The following GHR variants were observed in gnomAD, a reference collection of about 807,000 sequenced individuals.
GHR encodes growth hormone receptor.
In GHR, 35 loss-of-function variants were observed where a neutral mutation model predicts 67.1. That is an observed-to-expected ratio of 0.52 (90% CI 0.40 to 0.69). GHR has a LOEUF of 0.69. Ranked by LOEUF, GHR falls within the 30% of genes least tolerant of loss-of-function variation. The probability of loss-of-function intolerance (pLI) is 0.00; values close to 1 mark genes in which losing one functional copy is unlikely to be tolerated. For synonymous variants in GHR, 272 were observed against 269.1 expected, an observed-to-expected ratio of 1.01 and a Z score of -0.10; for missense variants, 792 against 764.6, an observed-to-expected ratio of 1.04 and a Z score of -0.42.
chr5:42,532,353 G>GATAGATAT (rs1481338142), intron 1 of GHR, among the ~76,000 whole-genome samples: 3 of 99,424 alleles, frequency 3.0e-5, no homozygotes, highest in African/African-American at 1.1e-4. Flanking sequence ...ATAGATGATA[G>GATAGATAT]ATAGATAGAT....
chr5:42,476,389 T>G (rs1257825869), intron 1 of GHR, among the ~76,000 whole-genome samples: 6 of 151,720 alleles, frequency 4.0e-5, no homozygotes, highest in Non-Finnish European at 8.8e-5. Context: ...CCGGCTAAAT[T>G]TTTTGTTTTT....
intron 2 of GHR, among the ~76,000 whole-genome samples, chr5:42,583,931 G>C (rs1751336645): frequency 6.7e-6 from 1 of 149,972 alleles, no homozygotes; most frequent in Non-Finnish European, 1.5e-5. Context: ...CAGTCACCAG[G>C]TGAAAGGAAT....
intron 1 of GHR, among the ~76,000 whole-genome samples, chr5:42,511,076 T>A (rs1746995174): frequency 6.6e-6 from 1 of 152,204 alleles, no homozygotes. Flanking sequence ...CAGAAACACA[T>A]GCTGTAATAG....
chr5:42,615,741 C>CA lies in GHR; in HGVS notation c.71-13284dup, dbSNP rs57137627. Among the ~76,000 whole-genome samples the CA allele has an allele frequency of 4.6e-3, 607 of 130,796 alleles. 3 individuals are homozygous for CA. The highest frequency in any genetic ancestry group is 0.011 in the South Asian group (42 of 3,902). 85.8% of individuals were successfully genotyped at this position (130,796 alleles called of 152,430 possible). A position where few individuals can be genotyped will look rare whatever the true frequency, so the allele number is the denominator to read the frequency against. On this transcript the variant is annotated intron_variant, in intron 2 of 9. Transcript: ENST00000230882. The stretch of plus-strand genomic sequence containing the variant: ...TAGAAATTTGGAAAAAAACAAAAAA[C>CA]AAAAAAAAAAAAACATAGAATTAAT...
intron 1 of GHR, among the ~76,000 whole-genome samples, chr5:42,460,734 G>A (rs1024502308): frequency 6.6e-6 from 1 of 152,126 alleles, no homozygotes; most frequent in Non-Finnish European, 1.5e-5. Context: ...TTAATAGTTG[G>A]TAGCTTAATA....
chr5:42,472,025 T>G (rs2112103789), intron 1 of GHR, among the ~76,000 whole-genome samples: 1 of 152,312 alleles, frequency 6.6e-6, no homozygotes. Flanking sequence ...TATACCAACA[T>G]TGTGCAGAAA....
intron 1 of GHR, among the ~76,000 whole-genome samples, chr5:42,492,269 G>GA (rs1746146667): frequency 6.6e-6 from 1 of 152,138 alleles, no homozygotes; most frequent in Non-Finnish European, 1.5e-5. Flanking sequence ...ATAATATTGG[G>GA]AAAAAATTAG....
intron 3 of GHR, among the ~76,000 whole-genome samples, chr5:42,641,780 A>C (rs1232840530): frequency 6.6e-6 from 1 of 152,186 alleles, no homozygotes; most frequent in Non-Finnish European, 1.5e-5. Context: ...TGAGTAAATA[A>C]GCTTGTAGAG....
intron 2 of GHR, among the ~76,000 whole-genome samples, chr5:42,606,548 C>T (rs1456946027): frequency 4.6e-5 from 7 of 152,094 alleles, no homozygotes; most frequent in African/African-American, 1.7e-4. Context: ...AATCGGTTCT[C>T]TCGTAGAAAC....
chr5:42,694,748 T>C (rs922836844), intron 4 of GHR, among the ~76,000 whole-genome samples, 169 bp from the exon 5 acceptor site: 2 of 152,228 alleles, frequency 1.3e-5, no homozygotes, highest in Non-Finnish European at 2.9e-5. Context: ...CAGACACTGA[T>C]GATACTGTCC....
intron 3 of GHR, among the ~76,000 whole-genome samples, chr5:42,685,417 T>C (rs1757090029): frequency 6.6e-6 from 1 of 152,190 alleles, no homozygotes; most frequent in Non-Finnish European, 1.5e-5. Flanking sequence ...TGTGCAAGTG[T>C]CTTTATAGTA....
chr5:42,512,609 C>T (rs1159693123), intron 1 of GHR, among the ~76,000 whole-genome samples: 2 of 152,062 alleles, frequency 1.3e-5, no homozygotes, highest in Admixed American at 1.3e-4. Context: ...TATATATATA[C>T]ATAGACAACC....
chr5:42,590,762 C>G (rs1357703788), intron 2 of GHR, among the ~76,000 whole-genome samples: 1 of 152,214 alleles, frequency 6.6e-6, no homozygotes, highest in African/African-American at 2.4e-5. Flanking sequence ...TAACAGGTGA[C>G]TTTGAATGGA....
intron 2 of GHR, among the ~76,000 whole-genome samples, chr5:42,583,256 A>G (rs1231135545): frequency 1.3e-5 from 2 of 152,154 alleles, no homozygotes; most frequent in African/African-American, 2.4e-5. Context: ...TCAGCTTTCT[A>G]CTGACATTAA....
chr5:42,541,234 C>T (rs1310446997), intron 1 of GHR, among the ~76,000 whole-genome samples: 4 of 152,014 alleles, frequency 2.6e-5, no homozygotes, highest in African/African-American at 7.2e-5. Context: ...AAATAATTGC[C>T]ATGGAGAAAA....
At chr5:42,686,958 C>T (rs1014193174) in intron 3 of GHR, among the ~76,000 whole-genome samples, 6 of 152,168 alleles carry the variant, frequency 3.9e-5, no homozygotes, top group Non-Finnish European at 7.4e-5. Context: ...TCTCCTTAAG[C>T]TGATAAGCAA....
At chr5:42,486,518 G>A (rs1461747016) in intron 1 of GHR, among the ~76,000 whole-genome samples, 1 of 152,224 alleles carries the variant, frequency 6.6e-6, no homozygotes, top group Non-Finnish European at 1.5e-5. Context: ...CTAAGTTTCT[G>A]TAATTTGGGA....
At chr5:42,486,779 G>A (rs1394274441) in intron 1 of GHR, among the ~76,000 whole-genome samples, 1 of 151,706 alleles carries the variant, frequency 6.6e-6, no homozygotes, top group Non-Finnish European at 1.5e-5. Context: ...CCCAGGAGGC[G>A]GAGCTTGCAG....
intron 1 of GHR, among the ~76,000 whole-genome samples, chr5:42,534,718 T>A (rs1167789502): frequency 6.6e-6 from 1 of 152,114 alleles, no homozygotes; most frequent in Non-Finnish European, 1.5e-5. Context: ...TACTTTTAGT[T>A]CTTTAAGGAA....
Sources: allele counts gnomAD v4.1 joint callset (sites outside exome capture counted in the v4.1 genomes callset), GRCh38; gene constraint gnomAD v4.1.1; transcripts MANE v1.5; gene names NCBI Gene and HGNC (gene_info 2026-07-23, HGNC 2026-07-21).